NPSR1: variants seen among roughly 807,000 people sequenced by gnomAD.
NPSR1 encodes neuropeptide S receptor.
Under a neutral mutation model 46.9 loss-of-function variants are expected in NPSR1, and 48 were observed. That is an observed-to-expected ratio of 1.02 (90% CI 0.81 to 1.30). NPSR1 has a LOEUF of 1.30. Ranked by LOEUF, NPSR1 falls within the 50% of genes most tolerant of loss-of-function variation. The pLI is 0.00. For missense variants in NPSR1, 450 were observed against 449.5 expected (o/e 1.00, Z -0.01); for synonymous variants, 176 against 168.1 (o/e 1.05, Z -0.36).
chr7:34,700,539 G>A (rs993112525), intron 2 of NPSR1, among the ~76,000 whole-genome samples: 2 of 152,154 alleles, frequency 1.3e-5, no homozygotes, highest in African/African-American at 4.8e-5. Context: ...TTAGTCATTA[G>A]AGGAAATGCA....
At chr7:34,749,600 C>A (rs1279391785) in intron 2 of NPSR1, among the ~76,000 whole-genome samples, 1 of 152,324 alleles carries the variant, frequency 6.6e-6, no homozygotes, top group East Asian at 1.9e-4. Flanking sequence ...CAATTACACT[C>A]AAAATAATTC....
At chr7:34,659,462 T>C (rs1791346672) in intron 1 of NPSR1, among the ~76,000 whole-genome samples, 1 of 152,216 alleles carries the variant, frequency 6.6e-6, no homozygotes, top group Non-Finnish European at 1.5e-5. Flanking sequence ...ATCCTCTGTA[T>C]GTTCTTGAAA....
At chr7:34,673,159 T>C (rs1426092811) in intron 1 of NPSR1, among the ~76,000 whole-genome samples, 2 of 152,186 alleles carry the variant, frequency 1.3e-5, no homozygotes, top group East Asian at 3.8e-4. Flanking sequence ...CCAGGTTCTA[T>C]TACATGTTCC....
intron 1 of NPSR1, among the ~76,000 whole-genome samples, chr7:34,678,218 CTTTTTTTTT>C (rs869140156): frequency 5.5e-4 from 55 of 100,698 alleles, no homozygotes; most frequent in African/African-American, 1.9e-3. Context: ...CTTTGCAATT[CTTTTTTTTT>C]TTTTTTTTTT....
intron 8 of NPSR1, among the ~76,000 whole-genome samples, chr7:34,865,327 C>T (rs1240916673): frequency 6.6e-6 from 1 of 151,824 alleles, no homozygotes; most frequent in Non-Finnish European, 1.5e-5. Flanking sequence ...ACAGGTTTTC[C>T]TGTGGCAGGA....
intron 2 of NPSR1, among the ~76,000 whole-genome samples, chr7:34,701,412 C>T (rs913199281): frequency 2.6e-5 from 4 of 152,196 alleles, no homozygotes; most frequent in African/African-American, 9.7e-5. Flanking sequence ...AAAACCCATT[C>T]ATCTTTCCCC....
chr7:34,762,446 T>G (rs10249271), intron 2 of NPSR1, among the ~76,000 whole-genome samples: 21,853 of 152,176 alleles, frequency 0.14, 2,084 homozygotes, highest in East Asian at 0.34. Flanking sequence ...GCTAAGTACC[T>G]GACATCAGGT....
chr7:34,750,928 G>T, intron 2 of NPSR1: 2 of 743,760 alleles, frequency 2.7e-6, no homozygotes, highest in South Asian at 2.7e-5. Flanking sequence ...CCCAGCTCGG[G>T]GTCTGACAGG....
intron 1 of NPSR1, among the ~76,000 whole-genome samples, chr7:34,674,260 A>G (rs577627242): frequency 3.2e-4 from 48 of 152,292 alleles, no homozygotes; most frequent in African/African-American, 1.1e-3. Context: ...GGGTCACCAC[A>G]TCCTCACATT....
chr7:34,834,352 C>T, intron 5 of NPSR1, 32 bp from the exon 6 acceptor site: 1 of 1,555,722 alleles, frequency 6.4e-7, no homozygotes, highest in Non-Finnish European at 8.9e-7. Flanking sequence ...ATCCACCAGT[C>T]ACTTTAATAC....
intron 2 of NPSR1, among the ~76,000 whole-genome samples, chr7:34,774,654 C>T (rs984686674): frequency 9.9e-5 from 15 of 152,160 alleles, no homozygotes; most frequent in African/African-American, 1.9e-4. Context: ...CTGATTCTTT[C>T]GCTTGGGCAT....
At chr7:34,766,660 C>A (rs1034295752) in intron 2 of NPSR1, among the ~76,000 whole-genome samples, 8 of 152,142 alleles carry the variant, frequency 5.3e-5, no homozygotes, top group African/African-American at 1.7e-4. Context: ...GCAAGCTCCG[C>A]CTCCTGGGTT....
intron 2 of NPSR1, among the ~76,000 whole-genome samples, chr7:34,686,595 T>C (rs1340225052): frequency 6.6e-6 from 1 of 152,160 alleles, no homozygotes; most frequent in Non-Finnish European, 1.5e-5. Flanking sequence ...TTCTGTGGAA[T>C]TTATATTTTT....
intron 4 of NPSR1, among the ~76,000 whole-genome samples, chr7:34,819,296 C>G (rs1036381134): frequency 6.6e-6 from 1 of 152,170 alleles, no homozygotes; most frequent in Non-Finnish European, 1.5e-5. Flanking sequence ...ATCTATGCAG[C>G]CAACAGACAC....
intron 2 of NPSR1, among the ~76,000 whole-genome samples, chr7:34,771,981 T>C (rs1786706090): frequency 6.6e-6 from 1 of 152,216 alleles, no homozygotes; most frequent in Admixed American, 6.5e-5. Flanking sequence ...CCTAGAGTTA[T>C]GTAGGATGTC....
downstream of NPSR1, among the ~76,000 whole-genome samples, chr7:34,852,707 G>A (rs1416722297): frequency 6.6e-6 from 1 of 152,134 alleles, no homozygotes; most frequent in Non-Finnish European, 1.5e-5. Flanking sequence ...GTGCTGTGAC[G>A]TTACTGTTTG....
chr7:34,865,993 T>C (rs1791305777), intron 8 of NPSR1, among the ~76,000 whole-genome samples: 1 of 151,840 alleles, frequency 6.6e-6, no homozygotes, highest in Admixed American at 6.6e-5. Flanking sequence ...CTTCCTTCCC[T>C]GCCTTTATTT....
chr7:34,751,821 C>T, intron 2 of NPSR1: 1 of 1,588,806 alleles, frequency 6.3e-7, no homozygotes, highest in Non-Finnish European at 8.6e-7. Context: ...GACTCTCTGC[C>T]AGTTGGTAAA....
chr7:34,666,414 TG>T (rs1791752892), intron 1 of NPSR1, among the ~76,000 whole-genome samples: 1 of 152,190 alleles, frequency 6.6e-6, no homozygotes, highest in Admixed American at 6.5e-5. Context: ...GAAGCTTAAT[TG>T]GAAGTCTCTG....
Sources: allele counts gnomAD v4.1 joint callset (sites outside exome capture counted in the v4.1 genomes callset), GRCh38; gene constraint gnomAD v4.1.1; transcripts MANE v1.5; gene names NCBI Gene and HGNC (gene_info 2026-07-23, HGNC 2026-07-21).